The following TMEM240 variants were observed in gnomAD, a reference collection of about 807,000 sequenced individuals.
The protein encoded by TMEM240 is transmembrane protein C1orf70.
TMEM240 carries 3 observed loss-of-function variants against 19.5 expected under a neutral mutation model. The observed-to-expected ratio is 0.15, with a 90% confidence interval of 0.07 to 0.40. The LOEUF (loss-of-function observed/expected upper bound fraction) is 0.40. Among genes scored for constraint, TMEM240 ranks in the 10% least tolerant of loss-of-function variants. TMEM240 has a pLI of 1.00. For missense variants in TMEM240, 210 were observed against 253.5 expected (o/e 0.83, Z 1.17); for synonymous variants, 123 against 109.3 (o/e 1.13, Z -0.78).
Position 1,536,797 on chromosome 1 carries a change from C to T in TMEM240, c.165-1000G>A, listed in dbSNP as rs1043763583. On this transcript the variant is annotated intron_variant, in intron 2 of 3. Transcript: ENST00000378733. The surrounding 1 kb of genome is among the most constrained non-coding windows in gnomAD (Gnocchi z 5.4). Reference sequence around the variant, plus strand: ...CCCCACGCGCCTTGCGGTCCACACTCCTGGCTGCCTCCCACATCTCCGCCG... The same window carrying T: ...CCCCACGCGCCTTGCGGTCCACACTTCTGGCTGCCTCCCACATCTCCGCCG... Among the ~76,000 whole-genome samples the T allele has an allele frequency of 6.6e-6, 1 of 152,038 alleles. No homozygotes were observed. The highest frequency in any genetic ancestry group is 2.4e-5 in the African/African-American group (1 of 41,386).
intron 2 of TMEM240, 23 bp downstream of exon 2, chr1:1,539,661 G>A (rs1347691690): frequency 6.5e-7 from 1 of 1,541,946 alleles, no homozygotes; most frequent in East Asian, 2.5e-5. Context: ...CGCGTGTCGA[G>A]CCGGCGCCGG....
rs1367786941 is a variant in TMEM240, at chr1:1,535,012, G to A, written c.*347C>T. ...AGCGCCTTCAAACAGATGCTGGCCC[G>A]GGCCGCGCGCCTCGCCGCCCCTGCC... On this transcript the variant is annotated 3_prime_UTR_variant, in exon 4 of 4. Transcript: ENST00000378733. The surrounding 1 kb of genome is among the most constrained non-coding windows in gnomAD (Gnocchi z 8.2). 5.4e-5 allele frequency among the ~76,000 whole-genome samples: 8 copies of A among 147,686 alleles called. No homozygotes were observed. The highest frequency in any genetic ancestry group is 2.0e-4 in the East Asian group (1 of 4,918).
chr1:1,539,481 C>T, intron 2 of TMEM240: 2 of 587,640 alleles, frequency 3.4e-6, no homozygotes, highest in Non-Finnish European at 6.0e-6. Flanking sequence ...CCCTGGAGGC[C>T]TCTAGGAACG....
At position 1,535,308 on chromosome 1, in the gene TMEM240, A is replaced by ATC; in HGVS notation, c.*49_*50dup. ...CGGGCGTCCACGAGGTCCCTTTTAC[A>ATC]TCTGTACAGCAGCCGGTTGGCTCGG... On this transcript the variant is annotated 3_prime_UTR_variant, in exon 4 of 4. Transcript: ENST00000378733. The surrounding 1 kb of genome is among the most constrained non-coding windows in gnomAD (Gnocchi z 8.2). The ATC allele has an allele frequency of 6.5e-7, 1 of 1,539,014 alleles. No individual in the cohort carries two copies. Among genetic ancestry groups the ATC allele is most frequent in the Admixed American group, 2.0e-5 (1 of 49,834 alleles).
In TMEM240 at chr1:1,535,015, CCG is replaced by C. The variant is rs1315595620; in HGVS notation, c.*342_*343del. Among the ~76,000 whole-genome samples, 6 of 150,318 alleles carry C rather than the reference CCG, an allele frequency of 4.0e-5. No homozygotes were observed. Among genetic ancestry groups the C allele is most frequent in the Admixed American group, 3.3e-4 (5 of 15,144 alleles). ...GCCTTCAAACAGATGCTGGCCCGGG[CCG>C]CGCGCCTCGCCGCCCCTGCCCCCAC... On this transcript the variant is annotated 3_prime_UTR_variant, in exon 4 of 4. Transcript: ENST00000378733. This position sits in a 1 kb window ranked among gnomAD's most constrained non-coding sequence, Gnocchi z 8.2.
Position 1,536,001 on chromosome 1 carries a change from G to T in TMEM240, c.165-204C>A, listed in dbSNP as rs1212487858. Among the ~76,000 whole-genome samples the T allele has an allele frequency of 2.6e-5, 4 of 152,106 alleles. No homozygotes were observed. The highest frequency in any genetic ancestry group is 4.4e-5 in the Non-Finnish European group (3 of 67,994). ...AGGCCAGAGGGAGTGGGAGGTCAGT[G>T]GCCATGGGCTGTGGAGGCCGAGCGT... On this transcript the variant is annotated intron_variant, in intron 2 of 3. Coordinates refer to ENST00000378733, the MANE Select transcript of TMEM240 (RefSeq NM_001114748.2). This position sits in a 1 kb window ranked among gnomAD's most constrained non-coding sequence, Gnocchi z 5.4.
At chr1:1,537,433 TAGAG>T (rs1475217150) in intron 2 of TMEM240, among the ~76,000 whole-genome samples, 2 of 151,998 alleles carry the variant, frequency 1.3e-5, no homozygotes, top group African/African-American at 4.8e-5. Context: ...CCTGACCCCT[TAGAG>T]AGTCCTCACC....
In TMEM240 at chr1:1,540,486, C is replaced by T. The variant is rs1642288067; in HGVS notation, c.-140G>A. On this transcript the variant is annotated 5_prime_UTR_variant, in exon 1 of 4. Coordinates refer to ENST00000378733, the MANE Select transcript of TMEM240 (RefSeq NM_001114748.2). ...CCGCCGCCGCTCGCTGCAACCCCGG[C>T]ACCGGCCGGGGGGAGGAGGCGCGGG... is the stretch of plus-strand genomic sequence containing the variant. 1 of 182,758 alleles carries T rather than the reference C, an allele frequency of 5.5e-6. No homozygotes were observed. Among genetic ancestry groups the T allele is most frequent in the South Asian group, 1.9e-4 (1 of 5,162 alleles). 11.3% of individuals were successfully genotyped at this position (182,758 alleles called of 1,614,324 possible).
Position 1,535,764 on chromosome 1 carries a change from C to A in TMEM240, c.198G>T (p.Gly66=). The A allele has an allele frequency of 6.5e-7, 1 of 1,550,202 alleles. No individual in the cohort carries two copies. Among genetic ancestry groups the A allele is most frequent in the Non-Finnish European group, 8.7e-7 (1 of 1,146,634 alleles). The change falls in exon 3 of 4, where the codon GGG becomes GGT. Residue 66 remains glycine (G), a synonymous_variant. Transcript: ENST00000378733. This position sits in a 1 kb window ranked among gnomAD's most constrained non-coding sequence, Gnocchi z 8.2. ...HHIHYVIPYD[G]DQSVVDASEN... is the part of the protein sequence containing the mutation. ...CGGAGGCGTCCACCACCGACTGGTC[C>A]CCGTCGTACGGGATCACGTAGTGGA...
rs778269820 is a variant in TMEM240 at position 1,539,809 on chromosome 1, G to C, written c.58-19C>G. 8 of 1,543,096 alleles carry C rather than the reference G, an allele frequency of 5.2e-6. No homozygotes were observed. Among genetic ancestry groups the C allele is most frequent in the African/African-American group, 4.2e-5 (3 of 72,248 alleles). Reference sequence around the variant, plus strand: ...CGATGGCCTGGAAGAGCTCATGACCGGTCAGCGCCAAGGAGCGGGCGGGAC... The same window carrying C: ...CGATGGCCTGGAAGAGCTCATGACCCGTCAGCGCCAAGGAGCGGGCGGGAC... On this transcript the variant is annotated intron_variant, in intron 1 of 3. Transcript: ENST00000378733.
At chr1:1,538,971 G>GTC (rs1239043735) in intron 2 of TMEM240, 1 of 152,418 alleles carries the variant, frequency 6.6e-6, no homozygotes, top group Non-Finnish European at 1.5e-5. Context: ...GCGTGAGGGT[G>GTC]TCCTGAGGGG....
rs1319808233 is a variant in TMEM240, at chr1:1,535,300, C to T, written c.*59G>A. ...CGCCGGCCCGGGCGTCCACGAGGTC[C>T]CTTTTACATCTGTACAGCAGCCGGT... On this transcript the variant is annotated 3_prime_UTR_variant, in exon 4 of 4. Transcript: ENST00000378733. The surrounding 1 kb of genome is among the most constrained non-coding windows in gnomAD (Gnocchi z 8.2). 1 of 1,520,776 alleles carries T rather than the reference C, an allele frequency of 6.6e-7. No homozygotes were observed. The highest frequency in any genetic ancestry group is 8.8e-7 in the Non-Finnish European group (1 of 1,130,202). 94.2% of individuals were successfully genotyped at this position (1,520,776 alleles called of 1,614,324 possible). A position where few individuals can be genotyped will look rare whatever the true frequency, so the allele number is the denominator to read the frequency against.
Position 1,536,171 on chromosome 1 carries a change from C to A in TMEM240, c.165-374G>T, listed in dbSNP as rs562118954. On this transcript the variant is annotated intron_variant, in intron 2 of 3. Coordinates refer to ENST00000378733, the MANE Select transcript of TMEM240 (RefSeq NM_001114748.2). The surrounding 1 kb of genome is among the most constrained non-coding windows in gnomAD (Gnocchi z 5.4). ...AGGGGGCTCAGGACGGCGGTCCCCACGGCCAGGGTCACAGCTCACCCGCCC... is the reference window on the plus strand; with the variant it reads ...AGGGGGCTCAGGACGGCGGTCCCCAAGGCCAGGGTCACAGCTCACCCGCCC... 6.6e-6 allele frequency among the ~76,000 whole-genome samples: 1 copy of A among 152,186 alleles called. No homozygotes were observed. The highest frequency in any genetic ancestry group is 2.1e-4 in the South Asian group (1 of 4,824).
Position 1,536,208 on chromosome 1 carries a change from G to A in TMEM240, c.165-411C>T, listed in dbSNP as rs1206920016. On this transcript the variant is annotated intron_variant, in intron 2 of 3. Coordinates refer to ENST00000378733, the MANE Select transcript of TMEM240 (RefSeq NM_001114748.2). This position sits in a 1 kb window ranked among gnomAD's most constrained non-coding sequence, Gnocchi z 5.4. ...CAGCTCACCCGCCCGCCCCGGGGCC[G>A]CGGAGGCCACTTGGAGCAGAGCTGG... Among the ~76,000 whole-genome samples the A allele has an allele frequency of 2.6e-5, 4 of 152,058 alleles. No individual in the cohort carries two copies. The highest frequency in any genetic ancestry group is 7.2e-5 in the African/African-American group (3 of 41,388).
At chr1:1,538,006 G>C (rs146273562) in intron 2 of TMEM240, among the ~76,000 whole-genome samples, 5 of 152,174 alleles carry the variant, frequency 3.3e-5, no homozygotes, top group African/African-American at 9.7e-5. Flanking sequence ...GAACACCAGC[G>C]TGTACACACA....
At position 1,536,094 on chromosome 1, in the gene TMEM240, T is replaced by G. The variant is rs1642215733; in HGVS notation, c.165-297A>C. On this transcript the variant is annotated intron_variant, in intron 2 of 3. Transcript: ENST00000378733. This position sits in a 1 kb window ranked among gnomAD's most constrained non-coding sequence, Gnocchi z 5.4. ...CGGCCCTCACTCAGCACCTCCTCCC[T>G]GAGGCCTGGAGCTCACGGGAAGGTG... 6.6e-6 allele frequency among the ~76,000 whole-genome samples: 1 copy of G among 152,058 alleles called. No individual in the cohort carries two copies. Among genetic ancestry groups the G allele is most frequent in the Non-Finnish European group, 1.5e-5 (1 of 67,968 alleles).
Position 1,536,743 on chromosome 1 carries a change from C to T in TMEM240, c.165-946G>A, listed in dbSNP as rs1460654510. Among the ~76,000 whole-genome samples, 1 of 152,140 alleles carries T rather than the reference C, an allele frequency of 6.6e-6. No individual in the cohort carries two copies. Among genetic ancestry groups the T allele is most frequent in the Non-Finnish European group, 1.5e-5 (1 of 67,990 alleles). The stretch of plus-strand genomic sequence containing the variant: ...GTCAACTCTGGGATCCCTAGTCCAA[C>T]AGGAGGGCCTGGGAGTGGAGCCCGC... On this transcript the variant is annotated intron_variant, in intron 2 of 3. Transcript: ENST00000378733. The surrounding 1 kb of genome is among the most constrained non-coding windows in gnomAD (Gnocchi z 5.4).
rs964390282 is a variant in TMEM240 at position 1,536,273 on chromosome 1, T to C, written c.165-476A>G. Among the ~76,000 whole-genome samples, 5 of 152,076 alleles carry C rather than the reference T, an allele frequency of 3.3e-5. No homozygotes were observed. The highest frequency in any genetic ancestry group is 7.4e-5 in the Non-Finnish European group (5 of 67,996). ...GCTGGCCCCAGACCAGCCACTCCCA[T>C]GCACCCTTCCCCCCGCTGCTGTGCC... On this transcript the variant is annotated intron_variant, in intron 2 of 3. Transcript: ENST00000378733. This position sits in a 1 kb window ranked among gnomAD's most constrained non-coding sequence, Gnocchi z 5.4.
chr1:1,540,223 G>A, intron 1 of TMEM240, 67 bp downstream of exon 1: 1 of 1,141,788 alleles, frequency 8.8e-7, no homozygotes, highest in Non-Finnish European at 1.1e-6. Flanking sequence ...ACAAGGCGCG[G>A]GAGGTGGGCC....
Sources: gnomAD v4.1 joint callset for allele counts (sites outside exome capture counted in the v4.1 genomes callset) on GRCh38, gnomAD v4.1.1 for gene constraint, Gnocchi (gnomAD v3.1) non-coding constraint, MANE v1.5 for transcripts, NCBI Gene and HGNC (gene_info 2026-07-23, HGNC 2026-07-21) for gene names.